Variants in SLC23A2 observed in about 807,000 individuals in gnomAD.
SLC23A2 encodes Na(+)/L-ascorbic acid transporter 2.
SLC23A2 carries 36 observed loss-of-function variants against 73.3 expected under a neutral mutation model. That is an observed-to-expected ratio of 0.49 (90% CI 0.38 to 0.65). SLC23A2 has a LOEUF of 0.65. Among genes scored for constraint, SLC23A2 ranks in the 30% least tolerant of loss-of-function variants. The probability of loss-of-function intolerance (pLI) is 0.00; values close to 1 mark genes in which losing one functional copy is unlikely to be tolerated. For synonymous variants in SLC23A2, 343 were observed against 327.3 expected (o/e 1.05, Z -0.52); for missense variants, 507 against 841.6 (o/e 0.60, Z 4.92).
chr20:4,874,811 G>T (rs894746392), intron 9 of SLC23A2, 115 bp from the exon 10 acceptor site: 7 of 809,780 alleles, frequency 8.6e-6, no homozygotes, highest in Admixed American at 2.8e-5. Flanking sequence ...TACCTAGAAA[G>T]CTGCTAGTCC....
chr20:4,916,978 G>A (rs550803335), intron 3 of SLC23A2, among the ~76,000 whole-genome samples: 54 of 152,226 alleles, frequency 3.5e-4, no homozygotes, highest in African/African-American at 8.9e-4. Flanking sequence ...ATAAGTCAAG[G>A]AACATCTGTA....
chr20:4,934,574 T>C (rs2086931084), intron 2 of SLC23A2, among the ~76,000 whole-genome samples: 1 of 151,912 alleles, frequency 6.6e-6, no homozygotes, highest in East Asian at 1.9e-4. Flanking sequence ...ATAAAAAGAA[T>C]TTTCTGGCCA....
chr20:4,943,308 A>G (rs574478524), intron 2 of SLC23A2, among the ~76,000 whole-genome samples: 21 of 152,212 alleles, frequency 1.4e-4, no homozygotes, highest in African/African-American at 4.8e-4. Context: ...TACGAGAGAG[A>G]GGAAGAGCCA....
At chr20:4,900,033 G>A (rs143086221) in intron 5 of SLC23A2, among the ~76,000 whole-genome samples, 234 of 152,230 alleles carry the variant, frequency 1.5e-3, no homozygotes, top group African/African-American at 5.4e-3. Context: ...ACCACGCCCA[G>A]CTTATTTTTG....
chr20:4,933,327 G>A (rs1283943031), intron 2 of SLC23A2, among the ~76,000 whole-genome samples: 1 of 152,122 alleles, frequency 6.6e-6, no homozygotes, highest in Non-Finnish European at 1.5e-5. Context: ...GAGGTTGCCA[G>A]GCGCAGTGGC....
intron 3 of SLC23A2, among the ~76,000 whole-genome samples, chr20:4,931,768 C>CA (rs1407778932): frequency 4.7e-5 from 7 of 150,454 alleles, no homozygotes; most frequent in Non-Finnish European, 8.9e-5. Flanking sequence ...GGCCTTGTCT[C>CA]AAAAAAAAGA....
intron 1 of SLC23A2, among the ~76,000 whole-genome samples, chr20:4,981,246 C>T (rs1257259105): frequency 1.3e-5 from 2 of 152,188 alleles, no homozygotes; most frequent in Non-Finnish European, 2.9e-5. Flanking sequence ...CTCAGGAGAA[C>T]TGCATCACAG....
intron 13 of SLC23A2, among the ~76,000 whole-genome samples, chr20:4,865,026 T>C (rs1930135817): frequency 6.6e-6 from 1 of 152,250 alleles, no homozygotes; most frequent in Non-Finnish European, 1.5e-5. Flanking sequence ...GTACCTATTA[T>C]GTTTTATTCT....
chr20:4,904,469 A>C (rs367707418), intron 4 of SLC23A2, among the ~76,000 whole-genome samples: 4,647 of 151,744 alleles, frequency 0.031, 104 homozygotes, highest in African/African-American at 0.063. Context: ...AACAAACAAA[A>C]AAAAAACCCT....
intron 1 of SLC23A2, among the ~76,000 whole-genome samples, chr20:4,984,714 A>G (rs1313421678): frequency 6.6e-6 from 1 of 152,160 alleles, no homozygotes; most frequent in African/African-American, 2.4e-5. Flanking sequence ...ACCACTGCAC[A>G]CCCATTAGGA....
chr20:4,912,073 G>A (rs1476302247), intron 4 of SLC23A2, among the ~76,000 whole-genome samples: 1 of 147,778 alleles, frequency 6.8e-6, no homozygotes. Context: ...TCAAACTCCT[G>A]GCCTCAAGCA....
intron 2 of SLC23A2, among the ~76,000 whole-genome samples, chr20:4,968,162 G>A (rs536401978): frequency 3.9e-5 from 6 of 152,312 alleles, no homozygotes; most frequent in African/African-American, 1.4e-4. Context: ...ATAGAGCTGG[G>A]CAGGAGAGCT....
chr20:4,895,146 T>A (rs944350318), intron 6 of SLC23A2, among the ~76,000 whole-genome samples: 2 of 152,226 alleles, frequency 1.3e-5, no homozygotes, highest in Non-Finnish European at 2.9e-5. Context: ...TGACACTGTG[T>A]CTTAGAAATC....
rs142236649 is a variant in SLC23A2 at position 4,948,672 on chromosome 20, T to C, written c.-154-15956A>G. On this transcript the variant is annotated intron_variant, in intron 2 of 16. Transcript: ENST00000338244. ...AAGCTTTTCCCTGATCTTCAATAAA[T>C]GGGAGGCTTTAAATATTCCATGCCT... 2.6e-4 allele frequency among the ~76,000 whole-genome samples: 39 copies of C among 152,342 alleles called. No individual in the cohort carries two copies. The East Asian group carries it at 6.6e-3, about 26-fold the overall frequency.
intron 9 of SLC23A2, among the ~76,000 whole-genome samples, chr20:4,877,952 T>C (rs935479751): frequency 1.3e-5 from 2 of 152,248 alleles, no homozygotes; most frequent in Non-Finnish European, 2.9e-5. Context: ...TTGTACAACC[T>C]CATTCACTCT....
chr20:4,943,886 A>G (rs2087079620), intron 2 of SLC23A2, among the ~76,000 whole-genome samples: 1 of 152,156 alleles, frequency 6.6e-6, no homozygotes, highest in South Asian at 2.1e-4. Context: ...AGCACAAGGG[A>G]GCTGCACAGA....
At chr20:4,937,650 T>C (rs913960362) in intron 2 of SLC23A2, among the ~76,000 whole-genome samples, 3 of 152,182 alleles carry the variant, frequency 2.0e-5, no homozygotes, top group African/African-American at 7.2e-5. Context: ...TACACAGCTA[T>C]AGGCAGTAGA....
chr20:4,973,574 G>A (rs1201791995), intron 1 of SLC23A2, among the ~76,000 whole-genome samples: 1 of 152,190 alleles, frequency 6.6e-6, no homozygotes, highest in Non-Finnish European at 1.5e-5. Flanking sequence ...CTCTGAGGAA[G>A]GAGTTAAGAA....
chr20:4,859,745 T>A (rs1929884643), intron 15 of SLC23A2, among the ~76,000 whole-genome samples: 1 of 152,026 alleles, frequency 6.6e-6, no homozygotes, highest in Non-Finnish European at 1.5e-5. Flanking sequence ...TGAGAAAAAA[T>A]TACAAAGTGA....
Sources: gnomAD v4.1 joint callset for allele counts (sites outside exome capture counted in the v4.1 genomes callset) on GRCh38, gnomAD v4.1.1 for gene constraint, MANE v1.5 for transcripts, NCBI Gene and HGNC (gene_info 2026-07-23, HGNC 2026-07-21) for gene names.